The following CNTN5 variants were observed in gnomAD, a reference collection of about 807,000 sequenced individuals.
CNTN5 encodes contactin 5.
CNTN5 carries 77 observed loss-of-function variants against 129.1 expected under a neutral mutation model. That is an observed-to-expected ratio of 0.60 (90% CI 0.50 to 0.72). The LOEUF is 0.72. Ranked by LOEUF, CNTN5 falls within the 30% of genes least tolerant of loss-of-function variation. The pLI, the probability that CNTN5 is intolerant of heterozygous loss-of-function variation, is 0.00. For missense variants in CNTN5, 1,478 were observed against 1,328.8 expected (o/e 1.11, Z -1.75); for synonymous variants, 509 against 465.6 (o/e 1.09, Z -1.20).
chr11:100,313,988 T>C (rs1951526547), intron 21 of CNTN5, among the ~76,000 whole-genome samples: 1 of 152,104 alleles, frequency 6.6e-6, no homozygotes, highest in African/African-American at 2.4e-5. Context: ...CACAATCAAA[T>C]AAATAATCAA....
chr11:99,373,957 C>G (rs1244784088), intron 2 of CNTN5, among the ~76,000 whole-genome samples: 2 of 151,980 alleles, frequency 1.3e-5, no homozygotes, highest in African/African-American at 4.8e-5. Flanking sequence ...TATTACATAT[C>G]AAATCAAATA....
intron 13 of CNTN5, among the ~76,000 whole-genome samples, chr11:100,098,237 A>T (rs1279763301): frequency 1.3e-5 from 2 of 152,114 alleles, no homozygotes; most frequent in Non-Finnish European, 2.9e-5. Flanking sequence ...CTTTAAAGCA[A>T]ATACATCAGA....
chr11:100,005,271 C>G (rs1334697463), intron 9 of CNTN5, among the ~76,000 whole-genome samples: 1 of 152,066 alleles, frequency 6.6e-6, no homozygotes, highest in Non-Finnish European at 1.5e-5. Flanking sequence ...TCCTGTCCCC[C>G]CCACAAATAC....
At chr11:99,597,352 A>G (rs1950157634) in intron 3 of CNTN5, among the ~76,000 whole-genome samples, 1 of 152,050 alleles carries the variant, frequency 6.6e-6, no homozygotes, top group Non-Finnish European at 1.5e-5. Flanking sequence ...CAATTCCTTC[A>G]GGTTTGAGTA....
At chr11:99,074,691 T>A (rs762738461) in intron 1 of CNTN5, among the ~76,000 whole-genome samples, 27 of 152,188 alleles carry the variant, frequency 1.8e-4, no homozygotes, top group Non-Finnish European at 3.4e-4. Context: ...GTTTACATCA[T>A]GCATTTTTTA....
chr11:99,312,156 C>A (rs1013382010), intron 1 of CNTN5, among the ~76,000 whole-genome samples: 9 of 151,950 alleles, frequency 5.9e-5, no homozygotes, highest in Non-Finnish European at 1.3e-4. Flanking sequence ...TTGCATCAAT[C>A]CAACAACAAA....
intron 3 of CNTN5, among the ~76,000 whole-genome samples, chr11:99,742,115 A>G (rs969195939): frequency 6.6e-6 from 1 of 152,180 alleles, no homozygotes; most frequent in African/African-American, 2.4e-5. Context: ...ATTATAACAC[A>G]ACCAATGGAA....
At chr11:100,188,037 C>T (rs1229645020) in intron 13 of CNTN5, among the ~76,000 whole-genome samples, 5 of 152,104 alleles carry the variant, frequency 3.3e-5, no homozygotes, top group Non-Finnish European at 7.4e-5. Context: ...AAACTACGCA[C>T]ACAACAAAGG....
At chr11:99,757,151 T>C (rs1944430669) in intron 3 of CNTN5, among the ~76,000 whole-genome samples, 1 of 152,004 alleles carries the variant, frequency 6.6e-6, no homozygotes, top group African/African-American at 2.4e-5. Context: ...TCGTTTCTCT[T>C]AGCTTCTGGT....
chr11:99,532,394 C>T (rs911518395), intron 2 of CNTN5, among the ~76,000 whole-genome samples: 5 of 152,150 alleles, frequency 3.3e-5, no homozygotes, highest in African/African-American at 1.2e-4. Context: ...TGCCTTGTCT[C>T]AGATGAGACT....
At chr11:100,196,724 G>A (rs1040171369) in intron 15 of CNTN5, among the ~76,000 whole-genome samples, 2 of 152,058 alleles carry the variant, frequency 1.3e-5, no homozygotes, top group Admixed American at 6.6e-5. Context: ...CTAATTTGGA[G>A]TGAATCCATT....
At chr11:99,886,992 G>T (rs969192248) in intron 6 of CNTN5, among the ~76,000 whole-genome samples, 1 of 152,092 alleles carries the variant, frequency 6.6e-6, no homozygotes, top group Non-Finnish European at 1.5e-5. Context: ...ACAAAAGACC[G>T]ATTATACTAG....
intron 17 of CNTN5, among the ~76,000 whole-genome samples, chr11:100,258,344 A>G (rs998827534): frequency 2.0e-5 from 3 of 152,182 alleles, no homozygotes; most frequent in African/African-American, 7.2e-5. Flanking sequence ...GGAGATGGGA[A>G]CCAAGTTGTA....
At chr11:99,307,676 C>A (rs372092668) in intron 1 of CNTN5, among the ~76,000 whole-genome samples, 58 of 152,174 alleles carry the variant, frequency 3.8e-4, no homozygotes, top group African/African-American at 1.3e-3. Flanking sequence ...TATATTTTTT[C>A]TAATATTGAT....
At chr11:99,569,213 T>A (rs955140131) in intron 3 of CNTN5, among the ~76,000 whole-genome samples, 1 of 152,216 alleles carries the variant, frequency 6.6e-6, no homozygotes, top group East Asian at 1.9e-4. Flanking sequence ...AGATAAAATA[T>A]CTATCTGTTC....
intron 10 of CNTN5, among the ~76,000 whole-genome samples, chr11:100,064,137 G>A (rs1943599755): frequency 1.3e-5 from 2 of 152,126 alleles, no homozygotes; most frequent in South Asian, 2.1e-4. Flanking sequence ...TCTGTAATTG[G>A]GATTCTATCT....
chr11:100,305,677 A>G (rs1951332315), intron 20 of CNTN5, among the ~76,000 whole-genome samples: 1 of 151,636 alleles, frequency 6.6e-6, no homozygotes, highest in African/African-American at 2.4e-5. Flanking sequence ...ATGTTCTGTG[A>G]TCCAGTTAGC....
intron 1 of CNTN5, among the ~76,000 whole-genome samples, chr11:99,217,322 T>C (rs1424118298): frequency 6.6e-6 from 1 of 152,192 alleles, no homozygotes; most frequent in Non-Finnish European, 1.5e-5. Context: ...AACAGTTATA[T>C]GTAAAAACTG....
intron 3 of CNTN5, among the ~76,000 whole-genome samples, chr11:99,643,512 A>C (rs1358372999): frequency 1.3e-5 from 2 of 152,170 alleles, no homozygotes; most frequent in African/African-American, 4.8e-5. Context: ...TACTTATCTC[A>C]TAGGTTTGTT....
Sources: gnomAD v4.1 joint callset for allele counts (sites outside exome capture counted in the v4.1 genomes callset) on GRCh38, gnomAD v4.1.1 for gene constraint, MANE v1.5 for transcripts, NCBI Gene and HGNC (gene_info 2026-07-23, HGNC 2026-07-21) for gene names.